The following B3GALT1 variants were observed in gnomAD, a reference collection of about 807,000 sequenced individuals.
B3GALT1 encodes the protein UDP-Gal:betaGlcNAc beta 1,3-galactosyltransferase, polypeptide 1.
B3GALT1 carries 10 observed loss-of-function variants against 23.2 expected under a neutral mutation model. The ratio of observed to expected loss-of-function variants is 0.43; its 90% CI spans 0.27 to 0.73. The LOEUF (loss-of-function observed/expected upper bound fraction) is 0.73. B3GALT1 is among the 30% of genes least tolerant of loss of function. B3GALT1 has a pLI of 0.21. For synonymous variants in B3GALT1, 156 were observed against 141.5 expected (o/e 1.10, Z -0.73); for missense variants, 299 against 405.4 (o/e 0.74, Z 2.25).
At position 167,733,396 on chromosome 2, in the gene B3GALT1, A is replaced by G. The variant is rs114341448; in HGVS notation, c.-351-85276A>G. ...CCAACACAAATTCTTAATCTTTCTT[A>G]AAACATTATGAGTTTTATTGAGATT... On this transcript the variant is annotated intron_variant, in intron 3 of 4. Coordinates refer to ENST00000392690, the MANE Select transcript of B3GALT1 (RefSeq NM_020981.4). Among the ~76,000 whole-genome samples the G allele has an allele frequency of 2.9e-3, 446 of 151,596 alleles. 3 individuals carry two copies. The highest frequency in any genetic ancestry group is 0.01 in the African/African-American group (423 of 41,202).
chr2:167,392,317 T>A (rs943697894), intron 1 of B3GALT1, among the ~76,000 whole-genome samples: 2 of 152,026 alleles, frequency 1.3e-5, no homozygotes, highest in African/African-American at 4.8e-5. Context: ...AAAAACAAAA[T>A]CTAAATAGGG....
At chr2:167,750,708 G>A in intron 3 of B3GALT1, among the ~76,000 whole-genome samples, 1 of 132,628 alleles carries the variant, frequency 7.5e-6, no homozygotes, top group Non-Finnish European at 1.6e-5. Context: ...TAACCTTAAG[G>A]ACACATACCT....
At chr2:167,629,926 C>T (rs1421408861) in intron 2 of B3GALT1, among the ~76,000 whole-genome samples, 1 of 151,796 alleles carries the variant, frequency 6.6e-6, no homozygotes. Context: ...CTAACCATAT[C>T]ACACAATTGG....
chr2:167,644,909 T>C (rs1345481405), intron 2 of B3GALT1, among the ~76,000 whole-genome samples: 6 of 152,108 alleles, frequency 3.9e-5, no homozygotes, highest in Admixed American at 6.5e-5. Flanking sequence ...TTATCTAAGC[T>C]TAGCACCATT....
At chr2:167,681,650 T>C (rs950261128) in intron 3 of B3GALT1, among the ~76,000 whole-genome samples, 1 of 152,242 alleles carries the variant, frequency 6.6e-6, no homozygotes, top group Non-Finnish European at 1.5e-5. Flanking sequence ...TCTCTAGAAG[T>C]TGTTTTAAGC....
At chr2:167,562,675 A>C (rs960656741) in intron 2 of B3GALT1, among the ~76,000 whole-genome samples, 1 of 144,376 alleles carries the variant, frequency 6.9e-6, no homozygotes, top group African/African-American at 2.6e-5. Context: ...TTAATTGATC[A>C]TTCTTGGGTG....
At chr2:167,340,668 G>A (rs576628578) in intron 1 of B3GALT1, among the ~76,000 whole-genome samples, 7 of 152,202 alleles carry the variant, frequency 4.6e-5, no homozygotes, top group African/African-American at 1.4e-4. Flanking sequence ...TAAGATTATC[G>A]GAGTAAGTTC....
At chr2:167,451,647 A>G (rs567386962) in intron 1 of B3GALT1, among the ~76,000 whole-genome samples, 1 of 152,172 alleles carries the variant, frequency 6.6e-6, no homozygotes, top group Non-Finnish European at 1.5e-5. Flanking sequence ...TGGTTGTTTA[A>G]TCCTATTTTT....
At chr2:167,513,637 A>G (rs1356033387) in intron 2 of B3GALT1, among the ~76,000 whole-genome samples, 3 of 152,194 alleles carry the variant, frequency 2.0e-5, no homozygotes, top group African/African-American at 4.8e-5. Flanking sequence ...AGTAAAATAC[A>G]TAGTATGGAT....
chr2:167,342,165 C>T (rs968892528), intron 1 of B3GALT1, among the ~76,000 whole-genome samples: 5 of 151,968 alleles, frequency 3.3e-5, no homozygotes, highest in Non-Finnish European at 7.4e-5. Flanking sequence ...ATCTAAGGCT[C>T]CATGGGGAAA....
chr2:167,374,999 G>A (rs1451783704), intron 1 of B3GALT1, among the ~76,000 whole-genome samples: 2 of 152,086 alleles, frequency 1.3e-5, no homozygotes, highest in South Asian at 2.1e-4. Flanking sequence ...TTCATCTTGA[G>A]TTCATTTTTG....
intron 1 of B3GALT1, among the ~76,000 whole-genome samples, chr2:167,342,958 A>G (rs562090198): frequency 6.6e-6 from 1 of 152,332 alleles, no homozygotes; most frequent in African/African-American, 2.4e-5. Context: ...ACAGTGGCCC[A>G]AACACATATC....
At chr2:167,497,110 A>G (rs966222323) in intron 2 of B3GALT1, among the ~76,000 whole-genome samples, 1 of 152,220 alleles carries the variant, frequency 6.6e-6, no homozygotes, top group African/African-American at 2.4e-5. Context: ...ATATTTTGTT[A>G]TAATAGCTGG....
intron 1 of B3GALT1, among the ~76,000 whole-genome samples, chr2:167,341,681 A>G (rs867363491): frequency 2.0e-5 from 3 of 152,062 alleles, no homozygotes; most frequent in Non-Finnish European, 4.4e-5. Context: ...AAAAAAGATT[A>G]CTGCTCAGCC....
At chr2:167,370,884 C>T (rs1195575662) in intron 1 of B3GALT1, among the ~76,000 whole-genome samples, 1 of 152,066 alleles carries the variant, frequency 6.6e-6, no homozygotes, top group East Asian at 1.9e-4. Context: ...TGAGATCACG[C>T]CACTGCACTC....
intron 3 of B3GALT1, among the ~76,000 whole-genome samples, chr2:167,706,076 G>A (rs569164519): frequency 6.6e-6 from 1 of 152,204 alleles, no homozygotes; most frequent in East Asian, 1.9e-4. Context: ...AGGCTGAAAA[G>A]AAGAGACAAT....
rs182965399 is a variant in B3GALT1, at chr2:167,516,530, C to A, written c.-410+26253C>A. On this transcript the variant is annotated intron_variant, in intron 2 of 4. Coordinates refer to ENST00000392690, the MANE Select transcript of B3GALT1 (RefSeq NM_020981.4). ...CAATAGTTAGTTGGGTTGCCTTTGG[C>A]AAGTCACTTAAGTCACTTAAACTCT... Among the ~76,000 whole-genome samples, 8 of 152,134 alleles carry A rather than the reference C, an allele frequency of 5.3e-5. No individual in the cohort carries two copies. In the East Asian group the frequency reaches 1.2e-3, roughly 22 times the overall value.
At chr2:167,544,707 C>A (rs1683596231) in intron 2 of B3GALT1, among the ~76,000 whole-genome samples, 1 of 152,160 alleles carries the variant, frequency 6.6e-6, no homozygotes, top group Non-Finnish European at 1.5e-5. Context: ...GTTCAAGGCA[C>A]AGCCTTCTAG....
At chr2:167,561,157 A>C (rs1323589862) in intron 2 of B3GALT1, among the ~76,000 whole-genome samples, 1 of 152,210 alleles carries the variant, frequency 6.6e-6, no homozygotes, top group South Asian at 2.1e-4. Context: ...AACTCACTCA[A>C]AACCACTCAA....
Sources: allele counts gnomAD v4.1 joint callset (sites outside exome capture counted in the v4.1 genomes callset), GRCh38; gene constraint gnomAD v4.1.1; transcripts MANE v1.5; gene names NCBI Gene and HGNC (gene_info 2026-07-23, HGNC 2026-07-21).